Variants in MINK1 observed in about 807,000 individuals in gnomAD.
MINK1 encodes the protein misshapen-like kinase 1.
In MINK1, 46 loss-of-function variants were observed where a neutral mutation model predicts 178.4. That is an observed-to-expected ratio of 0.26 (90% CI 0.20 to 0.33). The LOEUF (loss-of-function observed/expected upper bound fraction) is 0.33, where lower values mean the gene tolerates loss of function less well. Ranked by LOEUF, MINK1 falls within the 10% of genes least tolerant of loss-of-function variation. The probability of loss-of-function intolerance (pLI) is 1.00; values close to 1 mark genes in which losing one functional copy is unlikely to be tolerated. For synonymous variants in MINK1, 797 were observed against 709.7 expected, an observed-to-expected ratio of 1.12 and a Z score of -1.96; for missense variants, 1,366 against 1,814.9, an observed-to-expected ratio of 0.75 and a Z score of 4.49.
At chr17:4,893,752 G>A (rs761889750) in intron 21 of MINK1, 155 bp downstream of exon 21, 44 of 1,162,156 alleles carry the variant, frequency 3.8e-5, no homozygotes, top group South Asian at 1.4e-4. Context: ...TCTCTCTCCC[G>A]CTGCCCTGTG....
At chr17:4,844,353 C>T (rs554008312) in intron 1 of MINK1, among the ~76,000 whole-genome samples, 9 of 152,084 alleles carry the variant, frequency 5.9e-5, no homozygotes, top group Non-Finnish European at 8.8e-5. Flanking sequence ...GGTAAACAGG[C>T]TTTGTGGGCT....
At chr17:4,848,689 G>T (rs1302405252) in intron 1 of MINK1, among the ~76,000 whole-genome samples, 1 of 151,802 alleles carries the variant, frequency 6.6e-6, no homozygotes, top group Non-Finnish European at 1.5e-5. Context: ...TAGAGATGGG[G>T]TTTTGCCATG....
Position 4,896,660 on chromosome 17 carries a change from C to G in MINK1, c.3776-14C>G. ...GGGGTGCAGCCTGCTCAGCCCCTCA[C>G]CTGTTCCCCACAGCCTACATCTGCT... On this transcript the variant is annotated splice_polypyrimidine_tract_variant and intron_variant, in intron 30 of 31. Transcript: ENST00000355280. The surrounding 1 kb of genome is among the most constrained non-coding windows in gnomAD (Gnocchi z 4.6). 1 of 1,604,426 alleles carries G rather than the reference C, an allele frequency of 6.2e-7. No individual in the cohort carries two copies. Among genetic ancestry groups the G allele is most frequent in the Non-Finnish European group, 8.5e-7 (1 of 1,174,164 alleles).
rs1968071032 is a variant in MINK1 at position 4,885,095 on chromosome 17, C to T, written c.508+93C>T. On this transcript the variant is annotated intron_variant, in intron 6 of 31. Transcript: ENST00000355280. This position sits in a 1 kb window ranked among gnomAD's most constrained non-coding sequence, Gnocchi z 5.0. Reference sequence around the variant, plus strand: ...TTTCTCTCTGGTGGCTCAGGCCCAACTCCCTTCCTACTGGGGAGGCTCACT... The same window carrying T: ...TTTCTCTCTGGTGGCTCAGGCCCAATTCCCTTCCTACTGGGGAGGCTCACT... The T allele has an allele frequency of 8.4e-7, 1 of 1,184,962 alleles. No individual in the cohort carries two copies. Among genetic ancestry groups the T allele is most frequent in the Non-Finnish European group, 1.2e-6 (1 of 816,516 alleles). The allele number at this position is 1,184,962 out of a possible 1,614,324, so 73.4% of individuals were successfully genotyped here. A position where few individuals can be genotyped will look rare whatever the true frequency, so the allele number is the denominator to read the frequency against.
In MINK1 at chr17:4,887,883, C is replaced by CATTCATTTAAGGCATT; in HGVS notation, c.1230+93_1230+94insATTCATTTAAGGCATT. ...CCTTGGAGAACAGGTTTTAAAATGC[C>CATTCATTTAAGGCATT]TTAAATGAATGGCATTTCTGTTGAA... On this transcript the variant is annotated intron_variant, in intron 12 of 31. Transcript: ENST00000355280. This position sits in a 1 kb window ranked among gnomAD's most constrained non-coding sequence, Gnocchi z 7.6. 1 of 997,720 alleles carries CATTCATTTAAGGCATT rather than the reference C, an allele frequency of 1.0e-6. No homozygotes were observed. The highest frequency in any genetic ancestry group is 1.4e-6 in the Non-Finnish European group (1 of 723,130). The allele number at this position is 997,720 out of a possible 1,614,324, so 61.8% of individuals were successfully genotyped here.
Position 4,897,222 on chromosome 17 carries a change from C to A in MINK1, c.3934C>A (p.Arg1312Ser). 1.2e-6 allele frequency: 2 copies of A among 1,613,618 alleles called. No homozygotes were observed. Among genetic ancestry groups the A allele is most frequent in the Non-Finnish European group, 1.7e-6 (2 of 1,179,704 alleles). The change falls in exon 32 of 32, where the codon CGC becomes AGC. Residue 1312 changes from arginine to serine, a missense_variant. By Grantham distance (110) the Arg-to-Ser change is moderately radical. Transcript: ENST00000355280. ...RNDKVFFASV[R>S]SGGSSQVYFM... ...CACCCAGGTGTTTTTTGCCTCAGTC[C>A]GCTCTGGGGGCAGCAGCCAAGTTTA...
In MINK1 at chr17:4,886,647, G is replaced by A; in HGVS notation, c.949+21G>A. ...GAAAGGTCAGTGGGCAGGCTGGAGG[G>A]GGCAGGTACTAGGGGACACTCCAGC... is the stretch of plus-strand genomic sequence containing the variant. On this transcript the variant is annotated intron_variant, in intron 10 of 31. Coordinates refer to ENST00000355280, the MANE Select transcript of MINK1 (RefSeq NM_153827.5). The surrounding 1 kb of genome is among the most constrained non-coding windows in gnomAD (Gnocchi z 6.1). 1 of 1,561,758 alleles carries A rather than the reference G, an allele frequency of 6.4e-7. No individual in the cohort carries two copies. The highest frequency in any genetic ancestry group is 8.7e-7 in the Non-Finnish European group (1 of 1,153,224).
chr17:4,861,426 A>G (rs902330467), intron 1 of MINK1, among the ~76,000 whole-genome samples: 33 of 152,324 alleles, frequency 2.2e-4, no homozygotes, highest in African/African-American at 7.7e-4. Flanking sequence ...CTGTTATTCC[A>G]GAGCCCCACC....
At chr17:4,869,315 C>T (rs544860446) in intron 1 of MINK1, among the ~76,000 whole-genome samples, 3 of 151,746 alleles carry the variant, frequency 2.0e-5, no homozygotes, top group East Asian at 3.9e-4. Context: ...TCACTCCTAT[C>T]GCCCAGGCTG....
chr17:4,883,710 T>C (rs1200364133), intron 4 of MINK1, among the ~76,000 whole-genome samples: 1 of 150,114 alleles, frequency 6.7e-6, no homozygotes, highest in East Asian at 1.9e-4. Context: ...TTTTTTTTTT[T>C]TTTTTTTTTA....
chr17:4,890,318 C>A, intron 13 of MINK1, 199 bp from the exon 14 acceptor site: 1 of 1,402,316 alleles, frequency 7.1e-7, no homozygotes, highest in Non-Finnish European at 9.3e-7. Context: ...GGTAACGGGT[C>A]CCTCAGCGTC....
In MINK1 at chr17:4,865,461, AACCAGAC is replaced by A. The variant is rs1257078379; in HGVS notation, c.58-12853_58-12847del. Among the ~76,000 whole-genome samples, 6 of 152,112 alleles carry A rather than the reference AACCAGAC, an allele frequency of 3.9e-5. No homozygotes were observed. In the East Asian group the frequency reaches 1.2e-3, roughly 29 times the overall value. ...AAAATAAATAAATAAATAAATAAAT[AACCAGAC>A]ACTGGACTAGAGGGGGAAAGTTTCA... On this transcript the variant is annotated intron_variant, in intron 1 of 31. Coordinates refer to ENST00000355280, the MANE Select transcript of MINK1 (RefSeq NM_153827.5).
Position 4,886,771 on chromosome 17 carries a change from G to A in MINK1, c.949+145G>A, listed in dbSNP as rs2151018774. 3 of 978,648 alleles carry A rather than the reference G, an allele frequency of 3.1e-6. No homozygotes were observed. The highest frequency in any genetic ancestry group is 5.4e-5 in the East Asian group (2 of 37,042). The allele number at this position is 978,648 out of a possible 1,614,324, so 60.6% of individuals were successfully genotyped here. A position where few individuals can be genotyped will look rare whatever the true frequency, so the allele number is the denominator to read the frequency against. On this transcript the variant is annotated intron_variant, in intron 10 of 31. Coordinates refer to ENST00000355280, the MANE Select transcript of MINK1 (RefSeq NM_153827.5). This position sits in a 1 kb window ranked among gnomAD's most constrained non-coding sequence, Gnocchi z 6.1. ...GTCCAAGGAGATCGTTCTCAAACTT[G>A]CAACCCCCAAGGGGTTTTCCCTCCT... is the stretch of plus-strand genomic sequence containing the variant.
intron 1 of MINK1, among the ~76,000 whole-genome samples, chr17:4,870,549 G>T (rs1302129875): frequency 2.0e-5 from 3 of 152,004 alleles, no homozygotes; most frequent in South Asian, 2.1e-4. Flanking sequence ...TTTAGGCCAG[G>T]TGTGGTGGCT....
At chr17:4,883,076 G>C (rs1002235528) in intron 4 of MINK1, 1 of 149,832 alleles carries the variant, frequency 6.7e-6, no homozygotes, top group African/African-American at 2.5e-5. Context: ...AGCTGAGATC[G>C]CGCCACTGCA....
chr17:4,891,474 G>C lies in MINK1; in HGVS notation c.1759G>C (p.Val587Leu). The C allele has an allele frequency of 6.3e-7, 1 of 1,587,202 alleles. No homozygotes were observed. Among genetic ancestry groups the C allele is most frequent in the East Asian group, 2.3e-5 (1 of 44,346 alleles). Residue 587 changes from valine (V) to leucine (L), a missense_variant, in exon 16 of 32, where the codon GTC becomes CTC. By Grantham distance (32) the Val-to-Leu change is conservative (BLOSUM62 1). This residue lies in a region of MINK1 where 709 missense variants were observed against 692.3 expected (regional missense o/e 1.02). Coordinates refer to ENST00000355280, the MANE Select transcript of MINK1 (RefSeq NM_153827.5). ...CCTGCAGAGCCTGGTGGCACACCGG[G>C]TCCCACTGAAGCCATATGCAGCACC... ...GPHKSLVAHR[V>L]PLKPYAAPVP...
chr17:4,893,003 C>T lies in MINK1; in HGVS notation c.2336C>T (p.Pro779Leu), dbSNP rs774655857. 3 of 1,578,588 alleles carry T rather than the reference C, an allele frequency of 1.9e-6. 1 individual carries two copies. Among genetic ancestry groups the T allele is most frequent in the South Asian group, 2.3e-5 (2 of 85,842 alleles). Residue 779 changes from proline (P) to leucine (L), a missense_variant, in exon 20 of 32, where the codon CCT becomes CTT. This residue lies in a region of MINK1 where 709 missense variants were observed against 692.3 expected (regional missense o/e 1.02). Coordinates refer to ENST00000355280, the MANE Select transcript of MINK1 (RefSeq NM_153827.5). ...GTCTCCTCCAAACCGGACAGCTCCC[C>T]TGTGCTCTCCCCTGGGAATAAAGCC... ...VGVSSKPDSSPVLSPGNKAKP... is the reference protein window; with the variant it reads ...VGVSSKPDSSLVLSPGNKAKP...
chr17:4,869,240 AAATTATT>A (rs1390920421), intron 1 of MINK1, among the ~76,000 whole-genome samples: 3 of 142,674 alleles, frequency 2.1e-5, no homozygotes, highest in African/African-American at 5.2e-5. Flanking sequence ...TTTAATTTTT[AAATTATT>A]ATTTATTTAT....
Position 4,868,266 on chromosome 17 carries a change from C to T in MINK1, c.58-10051C>T, listed in dbSNP as rs528739859. ...TGCTGGGATTACAGGCGTGAGCCAC[C>T]GTGCCCAACCCTCTTCTAGCTCTTT... On this transcript the variant is annotated intron_variant, in intron 1 of 31. Transcript: ENST00000355280. Among the ~76,000 whole-genome samples the T allele has an allele frequency of 2.6e-5, 4 of 152,228 alleles. No homozygotes were observed. In the South Asian group the frequency reaches 6.2e-4, roughly 24 times the overall value.
Sources: gnomAD v4.1 joint callset for allele counts (sites outside exome capture counted in the v4.1 genomes callset) on GRCh38, gnomAD v4.1.1 for gene constraint, gnomAD v4.1.1 regional missense constraint, Gnocchi (gnomAD v3.1) non-coding constraint, MANE v1.5 for transcripts, NCBI Gene and HGNC (gene_info 2026-07-23, HGNC 2026-07-21) for gene names.